METTL5: variants seen among roughly 807,000 people sequenced by gnomAD.
METTL5 encodes the protein rRNA N(6)-adenosine-methyltransferase METTL5.
METTL5 carries 28 observed loss-of-function variants against 26.5 expected under a neutral mutation model. That is an observed-to-expected ratio of 1.06 (90% CI 0.78 to 1.45). METTL5 has a LOEUF of 1.45. Among genes scored for constraint, METTL5 ranks in the 40% most tolerant of loss-of-function variants. METTL5 has a pLI of 0.00. For missense variants in METTL5, 231 were observed against 249.9 expected (o/e 0.92, Z 0.51); for synonymous variants, 86 against 82.6 (o/e 1.04, Z -0.22).
intron 3 of METTL5, among the ~76,000 whole-genome samples, chr2:169,819,991 CTT>C (rs2081562722): frequency 6.8e-6 from 1 of 147,852 alleles, no homozygotes; most frequent in Non-Finnish European, 1.5e-5. Context: ...TTGTTTCGCT[CTT>C]GTTGCCCAGG....
At chr2:169,823,140 C>A (rs1001982902) in intron 1 of METTL5, among the ~76,000 whole-genome samples, 5 of 152,000 alleles carry the variant, frequency 3.3e-5, no homozygotes, top group Admixed American at 2.6e-4. Flanking sequence ...TACTACCACA[C>A]TAGGCTAATT....
chr2:169,814,144 A>G (rs1043583663), intron 5 of METTL5, among the ~76,000 whole-genome samples: 1 of 152,140 alleles, frequency 6.6e-6, no homozygotes, highest in Admixed American at 6.6e-5. Flanking sequence ...TTACTCATAG[A>G]TATTTAGAAG....
intron 5 of METTL5, among the ~76,000 whole-genome samples, chr2:169,814,059 C>G (rs1690067511): frequency 6.6e-6 from 1 of 152,096 alleles, no homozygotes; most frequent in Non-Finnish European, 1.5e-5. Flanking sequence ...TAATTAGCTT[C>G]TAGTTATATG....
chr2:169,819,543 C>T lies in METTL5; in HGVS notation c.489+18G>A. On this transcript the variant is annotated intron_variant, in intron 4 of 6. Transcript: ENST00000260953. ...TTTAAAAATCAATGCCACAGAATAT[C>T]AGATGATTTGAACTTACTTCTCTAG... The T allele has an allele frequency of 6.4e-7, 1 of 1,565,536 alleles. No individual in the cohort carries two copies.
At chr2:169,817,744 A>C (rs1256886160) in intron 4 of METTL5, among the ~76,000 whole-genome samples, 1 of 144,032 alleles carries the variant, frequency 6.9e-6, no homozygotes, top group East Asian at 2.1e-4. Flanking sequence ...GGAGGGGAAC[A>C]TAACACACGG....
At chr2:169,814,505 T>G (rs1471415448) in intron 5 of METTL5, among the ~76,000 whole-genome samples, 1 of 100,612 alleles carries the variant, frequency 9.9e-6, no homozygotes, top group East Asian at 3.4e-4. Flanking sequence ...GAAATTAGAT[T>G]ATCTAGGAAT....
At chr2:169,816,060 C>G (rs374094677) in intron 4 of METTL5, among the ~76,000 whole-genome samples, 13 of 152,110 alleles carry the variant, frequency 8.5e-5, no homozygotes, top group Admixed American at 7.9e-4. Flanking sequence ...GATGAAATCA[C>G]CTCAGAATGC....
chr2:169,822,018 A>G lies in METTL5; in HGVS notation c.149T>C (p.Ile50Thr), dbSNP rs1375696824. The G allele has an allele frequency of 6.2e-7, 1 of 1,612,998 alleles. No homozygotes were observed. The highest frequency in any genetic ancestry group is 8.5e-7 in the Non-Finnish European group (1 of 1,180,000). ...LYTIHNTYDDIENKVVADLGC... is the reference protein window; with the variant it reads ...LYTIHNTYDDTENKVVADLGC... ...TAGATCTGCAACGACTTTATTTTCA[A>G]TGTCATCATAAGTGTTATGGATTGT... The change falls in exon 2 of 7, where the codon ATT becomes ACT. Residue 50 changes from isoleucine to threonine, a missense_variant. By Grantham distance (89) the Ile-to-Thr change is moderately conservative (BLOSUM62 -1). Transcript: ENST00000260953.
chr2:169,821,989 A>C lies in METTL5; in HGVS notation c.178T>G (p.Cys60Gly). ...CCGATGCTAAGTACTCCACAACCAC[A>C]TCCTAGATCTGCAACGACTTTATTT... ...IENKVVADLG[C>G]GCGVLSIGTA... is the part of the protein sequence containing the mutation. Residue 60 changes from cysteine to glycine, a missense_variant, in exon 2 of 7, where the codon TGT becomes GGT. Coordinates refer to ENST00000260953, the MANE Select transcript of METTL5 (RefSeq NM_014168.4). 6.2e-7 allele frequency: 1 copy of C among 1,613,672 alleles called. No individual in the cohort carries two copies. Among genetic ancestry groups the C allele is most frequent in the African/African-American group, 1.3e-5 (1 of 74,960 alleles).
At chr2:169,818,898 A>G (rs2081545151) in intron 4 of METTL5, among the ~76,000 whole-genome samples, 1 of 152,226 alleles carries the variant, frequency 6.6e-6, no homozygotes, top group Admixed American at 6.5e-5. Context: ...AGGTGAGGAT[A>G]GTATAGATGA....
chr2:169,816,244 A>C (rs943712660), intron 4 of METTL5, among the ~76,000 whole-genome samples: 5 of 152,216 alleles, frequency 3.3e-5, no homozygotes, highest in Non-Finnish European at 7.3e-5. Flanking sequence ...CAGTTCATGC[A>C]GTAAAACTGA....
intron 4 of METTL5, among the ~76,000 whole-genome samples, chr2:169,817,460 T>C (rs1000532045): frequency 6.6e-6 from 1 of 152,194 alleles, no homozygotes; most frequent in Non-Finnish European, 1.5e-5. Flanking sequence ...TAAATCATGC[T>C]GCTATAAAGA....
At chr2:169,824,244 C>G in intron 1 of METTL5, 1 of 395,878 alleles carries the variant, frequency 2.5e-6, no homozygotes, top group East Asian at 4.1e-5. Flanking sequence ...GAAAAAAACA[C>G]ATTAAAAAGA....
intron 4 of METTL5, among the ~76,000 whole-genome samples, chr2:169,816,740 C>T (rs533731570): frequency 2.2e-4 from 33 of 152,228 alleles, no homozygotes; most frequent in African/African-American, 7.7e-4. Flanking sequence ...AACTGGCTAG[C>T]CATATGCAGA....
chr2:169,824,860 C>G lies in METTL5; in HGVS notation c.-263G>C. On this transcript the variant is annotated 5_prime_UTR_variant, in exon 1 of 7. Coordinates refer to ENST00000260953, the MANE Select transcript of METTL5 (RefSeq NM_014168.4). ...AGCCTCAGGATCCCTCGCGCCACGA[C>G]CACGCACCTCTGGAGGCGACCCGCA... The G allele has an allele frequency of 3.3e-6, 1 of 307,146 alleles. No homozygotes were observed. Among genetic ancestry groups the G allele is most frequent in the Non-Finnish European group, 6.1e-6 (1 of 163,712 alleles). 19.0% of individuals were successfully genotyped at this position (307,146 alleles called of 1,614,324 possible). A position where few individuals can be genotyped will look rare whatever the true frequency, so the allele number is the denominator to read the frequency against.
chr2:169,821,358 A>G (rs1234278501), intron 2 of METTL5, 85 bp from the exon 3 acceptor site: 3 of 996,776 alleles, frequency 3.0e-6, no homozygotes, highest in East Asian at 2.6e-5. Flanking sequence ...TTTTTTTTAA[A>G]CCATATATCT....
intron 4 of METTL5, 37 bp from the exon 5 acceptor site, chr2:169,815,565 TAAA>T (rs1384887368): frequency 6.8e-7 from 1 of 1,479,176 alleles, no homozygotes; most frequent in South Asian, 1.3e-5. Flanking sequence ...AGCTGATTTT[TAAA>T]TAATGATTTT....
chr2:169,819,218 T>A (rs745537244), intron 4 of METTL5, among the ~76,000 whole-genome samples: 8 of 152,118 alleles, frequency 5.3e-5, no homozygotes, highest in Non-Finnish European at 1.2e-4. Flanking sequence ...CTTAAGTACA[T>A]CAGGCCACAC....
At chr2:169,812,120 A>ATATT (rs1689983579) in intron 6 of METTL5, 2 of 569,236 alleles carry the variant, frequency 3.5e-6, no homozygotes, top group East Asian at 6.3e-5. Context: ...AAGAACTAGA[A>ATATT]TATTAGCTAT....
Sources: allele counts gnomAD v4.1 joint callset (sites outside exome capture counted in the v4.1 genomes callset), GRCh38; gene constraint gnomAD v4.1.1; transcripts MANE v1.5; gene names NCBI Gene and HGNC (gene_info 2026-07-23, HGNC 2026-07-21).